Variants in TCF4 observed in about 807,000 individuals in gnomAD.
The protein encoded by TCF4 is transcription factor 4.
In TCF4, 3 loss-of-function variants were observed where a neutral mutation model predicts 82.1. The ratio of observed to expected loss-of-function variants is 0.04; its 90% CI spans 0.02 to 0.09. The LOEUF is 0.09. Among genes scored for constraint, TCF4 ranks in the 10% least tolerant of loss-of-function variants. The pLI, the probability that TCF4 is intolerant of heterozygous loss-of-function variation, is 1.00. For missense variants in TCF4, 518 were observed against 852.7 expected, an observed-to-expected ratio of 0.61 and a Z score of 4.89; for synonymous variants, 276 against 309.6, an observed-to-expected ratio of 0.89 and a Z score of 1.14.
Position 55,399,925 on chromosome 18 carries a change from C to CAA in TCF4, c.369+3527_369+3528dup, listed in dbSNP as rs1556033553. 2.0e-3 allele frequency among the ~76,000 whole-genome samples: 259 copies of CAA among 126,698 alleles called. 3 individuals are homozygous for CAA. The highest frequency in any genetic ancestry group is 7.7e-3 in the African/African-American group (247 of 32,278). The allele number at this position is 126,698 out of a possible 152,430, so 83.1% of individuals were successfully genotyped here. ...ACACACACACACACACACACACACA[C>CAA]AATACTAAAAATGAAACCATGGCTT... On this transcript the variant is annotated intron_variant, in intron 6 of 19. Transcript: ENST00000354452.
intron 5 of TCF4, among the ~76,000 whole-genome samples, chr18:55,415,551 G>C (rs998285567): frequency 3.3e-5 from 5 of 152,200 alleles, no homozygotes; most frequent in Non-Finnish European, 4.4e-5. Context: ...ATCTGTATGG[G>C]GGAGGAGGGG....
At chr18:55,549,607 T>C (rs552790280) in intron 3 of TCF4, among the ~76,000 whole-genome samples, 18 of 152,316 alleles carry the variant, frequency 1.2e-4, no homozygotes, top group African/African-American at 4.3e-4. Context: ...CTTGTCTCAC[T>C]GGACAACAAC....
intron 15 of TCF4, among the ~76,000 whole-genome samples, chr18:55,243,205 A>C (rs902752259): frequency 1.3e-5 from 2 of 152,244 alleles, no homozygotes; most frequent in Non-Finnish European, 2.9e-5. Context: ...CATGATTTAG[A>C]TACTGTGTAT....
At chr18:55,602,596 C>T (rs1243289653) in intron 2 of TCF4, among the ~76,000 whole-genome samples, 4 of 152,134 alleles carry the variant, frequency 2.6e-5, no homozygotes, top group East Asian at 1.9e-4. Flanking sequence ...AATGACTTTT[C>T]GATTATCAGC....
At chr18:55,592,303 T>G (rs1459051501), upstream of TCF4, among the ~76,000 whole-genome samples, 1 of 152,176 alleles carries the variant, frequency 6.6e-6, no homozygotes, top group Non-Finnish European at 1.5e-5. Context: ...CATTTGTTTT[T>G]CACACCCCTG....
intron 2 of TCF4, among the ~76,000 whole-genome samples, chr18:55,613,078 A>G (rs1354114013): frequency 6.6e-6 from 1 of 152,140 alleles, no homozygotes; most frequent in Non-Finnish European, 1.5e-5. Context: ...CATATTCTTA[A>G]AAAGTAGCTC....
chr18:55,609,119 G>T (rs1399298306), intron 2 of TCF4, among the ~76,000 whole-genome samples: 3 of 152,160 alleles, frequency 2.0e-5, no homozygotes, highest in African/African-American at 7.2e-5. Flanking sequence ...CATCAGATCT[G>T]TCCATACCTT....
rs2090188741 is a variant in TCF4, at chr18:55,374,417, G to A, written c.370-23414C>T. On this transcript the variant is annotated intron_variant, in intron 6 of 19. Transcript: ENST00000354452. ...AGGAAAAACAAGAAGAGAGAAAACA[G>A]AAATCAACATAATTACAAAATATAT... Among the ~76,000 whole-genome samples the A allele has an allele frequency of 3.3e-5, 5 of 150,618 alleles. No homozygotes were observed. In the South Asian group the frequency reaches 1.0e-3, roughly 32 times the overall value.
At chr18:55,414,549 T>A (rs1603451302) in intron 5 of TCF4, among the ~76,000 whole-genome samples, 1 of 152,190 alleles carries the variant, frequency 6.6e-6, no homozygotes, top group Non-Finnish European at 1.5e-5. Context: ...AAATCACTTA[T>A]ACAAACTAAA....
At chr18:55,477,077 T>C (rs1352696317) in intron 3 of TCF4, among the ~76,000 whole-genome samples, 1 of 152,236 alleles carries the variant, frequency 6.6e-6, no homozygotes, top group Admixed American at 6.5e-5. Flanking sequence ...CCTTATTTTC[T>C]ATGAAATTGG....
At chr18:55,407,989 T>C (rs1301729237) in intron 5 of TCF4, among the ~76,000 whole-genome samples, 3 of 152,138 alleles carry the variant, frequency 2.0e-5, no homozygotes, top group South Asian at 2.1e-4. Context: ...TGGATACACA[T>C]GACAGTTCTA....
intron 3 of TCF4, among the ~76,000 whole-genome samples, chr18:55,568,004 A>G (rs1433859888): frequency 6.6e-6 from 1 of 152,154 alleles, no homozygotes; most frequent in Non-Finnish European, 1.5e-5. Context: ...AAGAAATCAT[A>G]CTGTAAATAT....
At chr18:55,422,936 G>GA (rs1001224463) in intron 5 of TCF4, among the ~76,000 whole-genome samples, 7 of 150,946 alleles carry the variant, frequency 4.6e-5, no homozygotes, top group African/African-American at 7.3e-5. Context: ...ATTTTTGGGT[G>GA]AAAAAAAACA....
chr18:55,537,668 G>A (rs1324487678), intron 3 of TCF4, among the ~76,000 whole-genome samples: 1 of 152,098 alleles, frequency 6.6e-6, no homozygotes, highest in Non-Finnish European at 1.5e-5. Context: ...GTGTGTGTAC[G>A]TGTGTGTGTA....
intron 10 of TCF4, among the ~76,000 whole-genome samples, chr18:55,275,291 A>AAAAC: frequency 6.6e-6 from 1 of 151,072 alleles, no homozygotes; most frequent in African/African-American, 2.4e-5. Context: ...AAAAAAAAAA[A>AAAAC]AAAAAAACCA....
chr18:55,635,832 A>C, exon 1 of TCF4: 1 of 1,561,090 alleles, frequency 6.4e-7, no homozygotes, highest in Non-Finnish European at 8.7e-7. Context: ...AATTTGTCAA[A>C]ATGATGAAGA....
rs1220589638 is a variant in TCF4, at chr18:55,494,529, C to T, written c.146-30392G>A. ...GGGTTGCCTCACTCTACTTAGCAGG[C>T]GCTGAATTCAGTCCCCATTGATTTA... On this transcript the variant is annotated intron_variant, in intron 3 of 19. Coordinates refer to ENST00000354452, the MANE Select transcript of TCF4 (RefSeq NM_001083962.2). Among the ~76,000 whole-genome samples the T allele has an allele frequency of 4.6e-5, 7 of 152,040 alleles. 1 individual carries two copies. The East Asian group carries it at 5.8e-4, about 13-fold the overall frequency.
intron 3 of TCF4, among the ~76,000 whole-genome samples, chr18:55,513,863 C>T (rs1036964172): frequency 6.6e-6 from 1 of 152,196 alleles, no homozygotes; most frequent in African/African-American, 2.4e-5. Flanking sequence ...TTTGAAAATA[C>T]ATATGCATTA....
Position 55,232,559 on chromosome 18 carries a change from T to C in TCF4, c.1599A>G (p.Lys533=). ...TGATATCCTTCTTGTCGTCATCTAA[T>C]TTCTTGTCCTCCGAAGATTTCGTGT... The part of the protein sequence containing the change: ...LQDTKSSEDK[K]LDDDKKDIKS... The change falls in exon 17 of 20, where the codon AAA becomes AAG. Residue 533 remains lysine, a synonymous_variant. Coordinates refer to ENST00000354452, the MANE Select transcript of TCF4 (RefSeq NM_001083962.2). The C allele has an allele frequency of 6.2e-7, 1 of 1,614,246 alleles. No individual in the cohort carries two copies. The highest frequency in any genetic ancestry group is 8.5e-7 in the Non-Finnish European group (1 of 1,180,034).
Sources: gnomAD v4.1 joint callset for allele counts (sites outside exome capture counted in the v4.1 genomes callset) on GRCh38, gnomAD v4.1.1 for gene constraint, MANE v1.5 for transcripts, NCBI Gene and HGNC (gene_info 2026-07-23, HGNC 2026-07-21) for gene names.